AK7: variants seen among roughly 807,000 people sequenced by gnomAD.
The protein encoded by AK7 is ATP-AMP transphosphorylase 7.
Under a neutral mutation model 96.6 loss-of-function variants are expected in AK7, and 78 were observed. The ratio of observed to expected loss-of-function variants is 0.81; its 90% CI spans 0.67 to 0.97. The LOEUF (loss-of-function observed/expected upper bound fraction) is 0.97. Ranked by LOEUF, AK7 falls within the 50% of genes least tolerant of loss-of-function variation. The pLI is 0.00. For missense variants in AK7, 855 were observed against 887.9 expected (o/e 0.96, Z 0.47); for synonymous variants, 302 against 317.2 (o/e 0.95, Z 0.51).
intron 5 of AK7, among the ~76,000 whole-genome samples, chr14:96,427,768 A>G (rs1490239802): frequency 6.6e-6 from 1 of 152,086 alleles, no homozygotes; most frequent in Non-Finnish European, 1.5e-5. Flanking sequence ...TGCCCTTTTG[A>G]GGCTATTTTC....
intron 8 of AK7, among the ~76,000 whole-genome samples, chr14:96,447,456 A>G (rs959753743): frequency 6.6e-6 from 1 of 152,140 alleles, no homozygotes; most frequent in African/African-American, 2.4e-5. Flanking sequence ...CTGGGAACAC[A>G]GGCGTGCACC....
chr14:96,462,800 A>G (rs73351121), intron 12 of AK7, among the ~76,000 whole-genome samples: 2,534 of 152,190 alleles, frequency 0.017, 69 homozygotes, highest in African/African-American at 0.057. Flanking sequence ...TTTTTTTTAA[A>G]CAAAACACAT....
chr14:96,415,761 A>G (rs1302924948), intron 4 of AK7, among the ~76,000 whole-genome samples: 1 of 145,482 alleles, frequency 6.9e-6, no homozygotes, highest in Non-Finnish European at 1.5e-5. Flanking sequence ...TTAATTTAAT[A>G]CATTAATTAA....
chr14:96,457,810 C>T (rs1894016493), intron 11 of AK7, among the ~76,000 whole-genome samples: 1 of 152,110 alleles, frequency 6.6e-6, no homozygotes, highest in African/African-American at 2.4e-5. Context: ...CAACCCAATA[C>T]CTTAGAATAA....
chr14:96,461,295 A>T (rs1400331588), intron 12 of AK7, among the ~76,000 whole-genome samples: 2 of 152,336 alleles, frequency 1.3e-5, no homozygotes, highest in East Asian at 1.9e-4. Context: ...TACAAAAAAA[A>T]GTCTAGCAGA....
At chr14:96,438,255 G>A (rs1892759055) in intron 6 of AK7, among the ~76,000 whole-genome samples, 1 of 152,178 alleles carries the variant, frequency 6.6e-6, no homozygotes, top group Non-Finnish European at 1.5e-5. Context: ...GGGGGATGGA[G>A]AAAGAGATAG....
At chr14:96,483,277 G>C in intron 16 of AK7, 58 bp downstream of exon 16, 2 of 1,526,210 alleles carry the variant, frequency 1.3e-6, no homozygotes, top group South Asian at 2.4e-5. Context: ...TGCGGTGCCT[G>C]GCAAAGCCAT....
chr14:96,456,331 C>A lies in AK7; in HGVS notation c.1099-16C>A, dbSNP rs577508436. On this transcript the variant is annotated splice_polypyrimidine_tract_variant and intron_variant, in intron 10 of 17. Transcript: ENST00000267584. ...TTCAGAGCTTGCTGTATGTTCCTTA[C>A]TCTCTCCTCTTTCAGCCAATCAAGA... The A allele has an allele frequency of 3.2e-5, 49 of 1,552,344 alleles. No individual in the cohort carries two copies. The highest frequency in any genetic ancestry group is 6.9e-5 in the Admixed American group (4 of 57,820).
At chr14:96,429,487 A>G (rs1329993709) in intron 5 of AK7, among the ~76,000 whole-genome samples, 3 of 152,042 alleles carry the variant, frequency 2.0e-5, no homozygotes, top group Non-Finnish European at 4.4e-5. Flanking sequence ...ATTTTTTTCC[A>G]ATTCTGTGAG....
intron 5 of AK7, among the ~76,000 whole-genome samples, chr14:96,429,432 C>CAAA (rs1892215884): frequency 6.6e-6 from 1 of 152,132 alleles, no homozygotes; most frequent in Non-Finnish European, 1.5e-5. Flanking sequence ...TTACGATTGT[C>CAAA]TTGGCAATGC....
chr14:96,454,673 T>G (rs1315092985), intron 10 of AK7, among the ~76,000 whole-genome samples: 1 of 151,626 alleles, frequency 6.6e-6, no homozygotes, highest in Non-Finnish European at 1.5e-5. Context: ...ATTTTTTTTT[T>G]TTTTTGTAGA....
intron 10 of AK7, among the ~76,000 whole-genome samples, chr14:96,452,549 C>G (rs776777972): frequency 3.9e-5 from 6 of 152,198 alleles, no homozygotes; most frequent in Non-Finnish European, 7.3e-5. Context: ...TGGTTTCAAA[C>G]TCCTGGCCTC....
chr14:96,419,179 A>G lies in AK7; in HGVS notation c.499-1643A>G, dbSNP rs1031292064. On this transcript the variant is annotated intron_variant, in intron 4 of 17. Coordinates refer to ENST00000267584, the MANE Select transcript of AK7 (RefSeq NM_152327.5). ...TGTCAAGAAATGTTTTTAATTCCTC[A>G]TTCCCAGGACGTACTTAATCTTAAC... 6.6e-5 allele frequency among the ~76,000 whole-genome samples: 10 copies of G among 152,254 alleles called. No individual in the cohort carries two copies. The East Asian group carries it at 1.5e-3, about 24-fold the overall frequency.
At chr14:96,452,691 C>G (rs1435512879) in intron 10 of AK7, among the ~76,000 whole-genome samples, 4 of 151,866 alleles carry the variant, frequency 2.6e-5, no homozygotes, top group Non-Finnish European at 5.9e-5. Flanking sequence ...CAGAGTCTTG[C>G]TCCATAGCCC....
intron 5 of AK7, among the ~76,000 whole-genome samples, chr14:96,436,463 G>A (rs890896059): frequency 6.6e-6 from 1 of 152,038 alleles, no homozygotes; most frequent in African/African-American, 2.4e-5. Context: ...TGGCCAACAT[G>A]GGGAAACCCT....
Position 96,420,760 on chromosome 14 carries a change from C to G in AK7, c.499-62C>G, listed in dbSNP as rs936932580. 1.0e-5 allele frequency: 12 copies of G among 1,157,952 alleles called. No individual in the cohort carries two copies. In the African/African-American group the frequency reaches 1.7e-4, roughly 16 times the overall value. The allele number at this position is 1,157,952 out of a possible 1,614,324, so 71.7% of individuals were successfully genotyped here. ...TGAGCTTAAAGGAACATATCTTTAG[C>G]CTTAGAAGTCACACATCTCTAATTC... On this transcript the variant is annotated intron_variant, in intron 4 of 17. Coordinates refer to ENST00000267584, the MANE Select transcript of AK7 (RefSeq NM_152327.5).
chr14:96,420,889 A>G lies in AK7; in HGVS notation c.566A>G (p.Asp189Gly), dbSNP rs1000162463. The G allele has an allele frequency of 1.9e-6, 3 of 1,613,556 alleles. No homozygotes were observed. Among genetic ancestry groups the G allele is most frequent in the Admixed American group, 3.3e-5 (2 of 59,980 alleles). ...AGAAAGTCTCATCCTAATTTTCTGG[A>G]CCACATAAATGCTGAAAAAATGGTT... ...RRRKSHPNFL[D>G]HINAEKMVLK... Residue 189 changes from aspartate (D) to glycine (G), a missense_variant, in exon 5 of 18, where the codon GAC becomes GGC. Coordinates refer to ENST00000267584, the MANE Select transcript of AK7 (RefSeq NM_152327.5).
chr14:96,468,693 T>A (rs1894720091), intron 12 of AK7, among the ~76,000 whole-genome samples: 1 of 152,140 alleles, frequency 6.6e-6, no homozygotes, highest in Non-Finnish European at 1.5e-5. Flanking sequence ...AGCCAGGTTG[T>A]CATCTCAAAT....
chr14:96,457,939 C>A (rs1191117196), intron 11 of AK7, 144 bp from the exon 12 acceptor site: 12 of 1,050,504 alleles, frequency 1.1e-5, no homozygotes, highest in Non-Finnish European at 1.5e-5. Context: ...ATATGTGCAT[C>A]CTGCAAAATT....
Sources: gnomAD v4.1 joint callset for allele counts (sites outside exome capture counted in the v4.1 genomes callset) on GRCh38, gnomAD v4.1.1 for gene constraint, MANE v1.5 for transcripts, NCBI Gene and HGNC (gene_info 2026-07-23, HGNC 2026-07-21) for gene names.